The following CREB3L2 variants were observed in gnomAD, a reference collection of about 807,000 sequenced individuals.
CREB3L2 encodes cAMP responsive element binding protein 3 like 2.
A neutral mutation model predicts 57.2 loss-of-function variants in CREB3L2; 23 were observed. The observed-to-expected ratio is 0.40, with a 90% CI of 0.29 to 0.57. The LOEUF (loss-of-function observed/expected upper bound fraction) is 0.57. Ranked by LOEUF, CREB3L2 falls within the 20% of genes least tolerant of loss-of-function variation. The probability of loss-of-function intolerance (pLI) is 0.42; values close to 1 mark genes in which losing one functional copy is unlikely to be tolerated. For missense variants in CREB3L2, 628 were observed against 634.7 expected (o/e 0.99, Z 0.11); for synonymous variants, 268 against 265.1 (o/e 1.01, Z -0.11).
intron 1 of CREB3L2, among the ~76,000 whole-genome samples, chr7:137,967,997 TG>T (rs1801436432): frequency 6.6e-6 from 1 of 152,246 alleles, no homozygotes; most frequent in African/African-American, 2.4e-5. Flanking sequence ...TTCCCATTTG[TG>T]GTTGAAGCAC....
At chr7:137,953,326 T>C (rs1323877465) in intron 1 of CREB3L2, 4 of 429,542 alleles carry the variant, frequency 9.3e-6, no homozygotes, top group Non-Finnish European at 1.3e-5. Context: ...GATTAACTGC[T>C]ACTCCACATA....
intron 1 of CREB3L2, among the ~76,000 whole-genome samples, chr7:137,964,839 C>T (rs2117291231): frequency 6.6e-6 from 1 of 152,226 alleles, no homozygotes; most frequent in East Asian, 1.9e-4. Flanking sequence ...GAGGCGGTTT[C>T]ACCCATACTG....
At chr7:137,938,863 ACT>A (rs1215955328) in intron 1 of CREB3L2, among the ~76,000 whole-genome samples, 4 of 152,288 alleles carry the variant, frequency 2.6e-5, no homozygotes, top group Non-Finnish European at 4.4e-5. Flanking sequence ...AAAAAAATCC[ACT>A]GTTTCATTTT....
At position 137,879,313 on chromosome 7, in the gene CREB3L2, G is replaced by C; in HGVS notation, c.*1163C>G. 1 of 523,860 alleles carries C rather than the reference G, an allele frequency of 1.9e-6. No homozygotes were observed. The highest frequency in any genetic ancestry group is 1.6e-5 in the South Asian group (1 of 61,510). 32.5% of individuals were successfully genotyped at this position (523,860 alleles called of 1,614,324 possible). Reference sequence around the variant, plus strand: ...ACCCCACCCTGCTTTGTTGAGGTAGGGGACGAGGAGGACAAAGTGGAAGTG... The same window carrying C: ...ACCCCACCCTGCTTTGTTGAGGTAGCGGACGAGGAGGACAAAGTGGAAGTG... On this transcript the variant is annotated 3_prime_UTR_variant, in exon 12 of 12. Coordinates refer to ENST00000330387, the MANE Select transcript of CREB3L2 (RefSeq NM_194071.4).
At chr7:137,970,354 T>G (rs1477258099) in intron 1 of CREB3L2, among the ~76,000 whole-genome samples, 1 of 152,166 alleles carries the variant, frequency 6.6e-6, no homozygotes, top group Non-Finnish European at 1.5e-5. Context: ...TCCTCTTACA[T>G]AAAACACAGA....
intron 2 of CREB3L2, chr7:137,922,823 T>C (rs1800366213): frequency 1.1e-5 from 2 of 182,440 alleles, no homozygotes; most frequent in South Asian, 9.1e-5. Flanking sequence ...CTAAATCCTT[T>C]AGCATTTCAT....
chr7:137,897,284 T>C (rs116278707), intron 8 of CREB3L2, among the ~76,000 whole-genome samples: 2,393 of 152,326 alleles, frequency 0.016, 59 homozygotes, highest in African/African-American at 0.054. Context: ...CTTTCCCTGC[T>C]TTAACAGGTG....
chr7:137,879,272 T>C lies in CREB3L2; in HGVS notation c.*1204A>G, dbSNP rs1184959479. ...TGACTACCAAAGGTAAGAATGTGGATACACAAATGTCACCTACCCCACCCT... is the reference window on the plus strand; with the variant it reads ...TGACTACCAAAGGTAAGAATGTGGACACACAAATGTCACCTACCCCACCCT... On this transcript the variant is annotated 3_prime_UTR_variant, in exon 12 of 12. Transcript: ENST00000330387. 1.9e-6 allele frequency: 1 copy of C among 534,830 alleles called. No homozygotes were observed. The highest frequency in any genetic ancestry group is 3.9e-5 in the East Asian group (1 of 25,592). 33.1% of individuals were successfully genotyped at this position (534,830 alleles called of 1,614,324 possible).
Position 137,895,340 on chromosome 7 carries a change from A to G in CREB3L2, c.1043+6014T>C, listed in dbSNP as rs568880839. ...GGCACTGCTCAGACACCAGCAAGTG[A>G]AAATGTATTTCTTGATGGAGCACAG... On this transcript the variant is annotated intron_variant, in intron 8 of 11. Coordinates refer to ENST00000330387, the MANE Select transcript of CREB3L2 (RefSeq NM_194071.4). Among the ~76,000 whole-genome samples, 3 of 152,372 alleles carry G rather than the reference A, an allele frequency of 2.0e-5. No homozygotes were observed. In the East Asian group the frequency reaches 5.8e-4, roughly 29 times the overall value.
At chr7:137,902,603 C>T (rs7810085) in intron 7 of CREB3L2, among the ~76,000 whole-genome samples, 13,343 of 152,088 alleles carry the variant, frequency 0.088, 1,750 homozygotes, top group African/African-American at 0.29. Flanking sequence ...CAGAACTCCC[C>T]ACAGATACCA....
rs148053446 is a variant in CREB3L2, at chr7:137,954,060, T to A, written c.103-25694A>T. 4.6e-5 allele frequency among the ~76,000 whole-genome samples: 7 copies of A among 152,296 alleles called. No individual in the cohort carries two copies. The East Asian group carries it at 1.2e-3, about 25-fold the overall frequency. ...AAGATCAAAATCTTGAGAGGCTACCTCTCTGCATGGGTTTCTGTCTGGTAT... is the reference window on the plus strand; with the variant it reads ...AAGATCAAAATCTTGAGAGGCTACCACTCTGCATGGGTTTCTGTCTGGTAT... On this transcript the variant is annotated intron_variant, in intron 1 of 11. Transcript: ENST00000330387.
chr7:137,879,787 G>A lies in CREB3L2; in HGVS notation c.*689C>T. 4.2e-6 allele frequency: 1 copy of A among 235,640 alleles called. No homozygotes were observed. Among genetic ancestry groups the A allele is most frequent in the Non-Finnish European group, 8.4e-6 (1 of 119,538 alleles). 14.6% of individuals were successfully genotyped at this position (235,640 alleles called of 1,614,324 possible). On this transcript the variant is annotated 3_prime_UTR_variant, in exon 12 of 12. Transcript: ENST00000330387. ...GGAGAAGCTGGGGAGGCAGAACTAT[G>A]GATGTGTGGGGAACCAGGTTGTGGG...
At chr7:137,993,573 A>G (rs535955333) in intron 1 of CREB3L2, among the ~76,000 whole-genome samples, 1 of 152,326 alleles carries the variant, frequency 6.6e-6, no homozygotes, top group East Asian at 1.9e-4. Flanking sequence ...AGTCCGGAGT[A>G]TAGAGGCGTG....
chr7:137,994,771 CCT>C (rs889164679), intron 1 of CREB3L2, among the ~76,000 whole-genome samples: 1 of 152,122 alleles, frequency 6.6e-6, no homozygotes, highest in African/African-American at 2.4e-5. Context: ...ATAAGGAGAC[CCT>C]GTCTCTATTT....
chr7:137,946,454 C>G (rs1800977796), intron 1 of CREB3L2, among the ~76,000 whole-genome samples: 1 of 150,588 alleles, frequency 6.6e-6, no homozygotes, highest in Non-Finnish European at 1.5e-5. Context: ...ACCCTGAATT[C>G]TGTCTACAAC....
chr7:137,879,607 T>C lies in CREB3L2; in HGVS notation c.*869A>G, dbSNP rs904202164. ...ACAAAGGAAAGGAAACAAAACATTG[T>C]CTGGAAAGACACGGGATCCCAGAGC... On this transcript the variant is annotated 3_prime_UTR_variant, in exon 12 of 12. Coordinates refer to ENST00000330387, the MANE Select transcript of CREB3L2 (RefSeq NM_194071.4). The C allele has an allele frequency of 2.4e-5, 6 of 246,812 alleles. No homozygotes were observed. Among genetic ancestry groups the C allele is most frequent in the Non-Finnish European group, 3.2e-5 (4 of 126,806 alleles). 15.3% of individuals were successfully genotyped at this position (246,812 alleles called of 1,614,324 possible). A position where few individuals can be genotyped will look rare whatever the true frequency, so the allele number is the denominator to read the frequency against.
intron 1 of CREB3L2, among the ~76,000 whole-genome samples, chr7:137,974,776 G>C (rs986687682): frequency 3.7e-4 from 57 of 152,164 alleles, no homozygotes; most frequent in African/African-American, 1.2e-3. Flanking sequence ...CGGCTCCTAG[G>C]TGCCTGGCCT....
At position 137,990,840 on chromosome 7, in the gene CREB3L2, T is replaced by C. The variant is rs994495509; in HGVS notation, c.102+10764A>G. ...AAAAACTATTCAGACATTTCCAAGA[T>C]ATGAAATGTGAAAAACCAGGATTTT... On this transcript the variant is annotated intron_variant, in intron 1 of 11. Coordinates refer to ENST00000330387, the MANE Select transcript of CREB3L2 (RefSeq NM_194071.4). Among the ~76,000 whole-genome samples the C allele has an allele frequency of 5.9e-5, 9 of 152,170 alleles. No individual in the cohort carries two copies. In the East Asian group the frequency reaches 1.3e-3, roughly 23 times the overall value.
chr7:137,967,126 A>G (rs1801420623), intron 1 of CREB3L2, among the ~76,000 whole-genome samples: 1 of 152,168 alleles, frequency 6.6e-6, no homozygotes, highest in South Asian at 2.1e-4. Flanking sequence ...CCCTGTGAGG[A>G]CACAGAAAGA....
Sources: allele counts gnomAD v4.1 joint callset (sites outside exome capture counted in the v4.1 genomes callset), GRCh38; gene constraint gnomAD v4.1.1; transcripts MANE v1.5; gene names NCBI Gene and HGNC (gene_info 2026-07-23, HGNC 2026-07-21).